Variants in RGS22 observed in about 807,000 individuals in gnomAD.
RGS22 encodes regulator of G protein signaling 22, also known as regulator of G-protein signaling 22.
RGS22 carries 148 observed loss-of-function variants against 172.9 expected under a neutral mutation model. The observed-to-expected ratio is 0.86, with a 90% CI of 0.75 to 0.98. The LOEUF is 0.98. RGS22 is among the 50% of genes least tolerant of loss of function. RGS22 has a pLI of 0.00. For missense variants in RGS22, 1,347 were observed against 1,440.8 expected (o/e 0.93, Z 1.05); for synonymous variants, 458 against 480.2 (o/e 0.95, Z 0.60).
intron 14 of RGS22, among the ~76,000 whole-genome samples, chr8:100,027,334 A>G (rs1421081707): frequency 6.6e-6 from 1 of 152,224 alleles, no homozygotes; most frequent in Non-Finnish European, 1.5e-5. Context: ...CTTCTAAGTC[A>G]AGAACTTTGT....
chr8:100,025,693 C>A (rs778316651), intron 14 of RGS22, among the ~76,000 whole-genome samples: 3 of 152,130 alleles, frequency 2.0e-5, no homozygotes, highest in East Asian at 1.9e-4. Flanking sequence ...TGACAGTGAG[C>A]AAAGGAAAAA....
chr8:99,980,238 T>A (rs151098582), intron 22 of RGS22, among the ~76,000 whole-genome samples: 78 of 152,238 alleles, frequency 5.1e-4, no homozygotes, highest in African/African-American at 1.8e-3. Context: ...TGCACCGGAA[T>A]TGAAATATTT....
At chr8:99,976,233 C>T (rs766568531) in intron 23 of RGS22, among the ~76,000 whole-genome samples, 1 of 152,036 alleles carries the variant, frequency 6.6e-6, no homozygotes, top group East Asian at 1.9e-4. Flanking sequence ...AATGAACATG[C>T]TTTTTATGGC....
intron 11 of RGS22, among the ~76,000 whole-genome samples, chr8:100,044,445 C>T (rs1298727500): frequency 1.3e-5 from 2 of 152,124 alleles, no homozygotes; most frequent in Non-Finnish European, 1.5e-5. Flanking sequence ...CGGGGTTTCA[C>T]CATGTTGGCC....
chr8:100,014,568 A>G (rs1229816989), intron 14 of RGS22, among the ~76,000 whole-genome samples: 1 of 151,982 alleles, frequency 6.6e-6, no homozygotes, highest in Non-Finnish European at 1.5e-5. Flanking sequence ...ACTGCTTATT[A>G]TCTCCTCTCT....
intron 10 of RGS22, among the ~76,000 whole-genome samples, chr8:100,051,983 TTATA>T (rs1268666215): frequency 1.7e-5 from 1 of 58,116 alleles, no homozygotes; most frequent in African/African-American, 1.0e-4. Context: ...ATATAAATGT[TTATA>T]TATATTTATA....
intron 22 of RGS22, among the ~76,000 whole-genome samples, chr8:99,980,481 A>G (rs540631534): frequency 2.0e-4 from 30 of 152,318 alleles, no homozygotes; most frequent in Non-Finnish European, 4.1e-4. Flanking sequence ...AGGAAATGAA[A>G]TAGAGGGAAG....
chr8:99,965,567 T>C, intron 23 of RGS22, 137 bp from the exon 24 acceptor site: 1 of 546,914 alleles, frequency 1.8e-6, no homozygotes, highest in South Asian at 3.0e-5. Context: ...ATCAAGTCAA[T>C]ATCACTAATG....
intron 14 of RGS22, among the ~76,000 whole-genome samples, chr8:100,017,796 T>C (rs1817168197): frequency 6.6e-6 from 1 of 152,190 alleles, no homozygotes; most frequent in South Asian, 2.1e-4. Context: ...GTTAGAAACA[T>C]TGTTTAAATA....
chr8:100,018,712 T>G (rs944483868), intron 14 of RGS22, among the ~76,000 whole-genome samples: 19 of 152,178 alleles, frequency 1.2e-4, no homozygotes, highest in African/African-American at 4.6e-4. Flanking sequence ...ATACGACATT[T>G]CCCATTGCAA....
At chr8:100,023,660 C>A (rs560041633) in intron 14 of RGS22, among the ~76,000 whole-genome samples, 9 of 152,206 alleles carry the variant, frequency 5.9e-5, no homozygotes, top group Non-Finnish European at 1.3e-4. Context: ...ATCTTGAACT[C>A]CTGGGGTCAA....
rs540769040 is a variant in RGS22, at chr8:99,981,150, A to C, written c.3360+787T>G. ...CTATTATAATTTATTTTTCTTAATC[A>C]TTTTTTAGTAACAACATCACTAAAA... On this transcript the variant is annotated intron_variant, in intron 22 of 27. Coordinates refer to ENST00000360863, the MANE Select transcript of RGS22 (RefSeq NM_015668.5). 4.6e-5 allele frequency among the ~76,000 whole-genome samples: 7 copies of C among 152,212 alleles called. No homozygotes were observed. The East Asian group carries it at 1.2e-3, about 25-fold the overall frequency.
intron 9 of RGS22, among the ~76,000 whole-genome samples, chr8:100,057,237 T>C (rs1433987034): frequency 1.3e-5 from 2 of 152,218 alleles, no homozygotes; most frequent in African/African-American, 4.8e-5. Flanking sequence ...CCATTGTATC[T>C]AGGAAGTAAC....
In RGS22 at chr8:100,038,992, G is replaced by A. The variant is rs763868756; in HGVS notation, c.2105C>T (p.Ala702Val). The change falls in exon 14 of 28, where the codon GCT (alanine) becomes GTT (valine). Residue 702 changes from alanine to valine, a missense_variant. Transcript: ENST00000360863. The stretch of plus-strand genomic sequence containing the variant: ...TTCTTGGTAGAAAAGCTGATGATAA[G>A]CCTGCAGGTCAAACCAAAAGTACAC... ...NSVYFWFDLQ[A>V]YHQLFYQETL... 2.5e-5 allele frequency: 40 copies of A among 1,612,610 alleles called. No homozygotes were observed. In the South Asian group the frequency reaches 4.2e-4, roughly 17 times the overall value.
In RGS22 at chr8:100,098,866, ATTTTATTTTATTTTAT is replaced by A. The variant is rs1375863928; in HGVS notation, c.55-5373_55-5358del. On this transcript the variant is annotated intron_variant, in intron 2 of 27. Coordinates refer to ENST00000360863, the MANE Select transcript of RGS22 (RefSeq NM_015668.5). ...TTTTATTTATTTTATTATTTTATTTATTTTATTTTATTTTATTTTATTTTATTTTATTTTATTTTAT... is the reference window on the plus strand; with the variant it reads ...TTTTATTTATTTTATTATTTTATTTATTTATTTTATTTTATTTTATTTTAT... 1.4e-3 allele frequency among the ~76,000 whole-genome samples: 7 copies of A among 5,156 alleles called. 1 individual carries two copies. Among genetic ancestry groups the A allele is most frequent in the African/African-American group, 3.1e-3 (5 of 1,618 alleles). 3.4% of individuals were successfully genotyped at this position (5,156 alleles called of 152,430 possible).
chr8:100,063,340 T>G, intron 8 of RGS22, 76 bp downstream of exon 8: 2 of 1,065,548 alleles, frequency 1.9e-6, no homozygotes, highest in Non-Finnish European at 2.6e-6. Flanking sequence ...TTGGGCTTTC[T>G]CCCTGTGCTA....
rs1213590301 is a variant in RGS22, at chr8:100,051,607, ATATGTT to A, written c.1689+1189_1689+1194del. 2.8e-3 allele frequency among the ~76,000 whole-genome samples: 150 copies of A among 54,018 alleles called. 42 individuals carry two copies. Among genetic ancestry groups the A allele is most frequent in the Admixed American group, 6.3e-3 (17 of 2,704 alleles). The allele number at this position is 54,018 out of a possible 152,430, so 35.4% of individuals were successfully genotyped here. Reference sequence around the variant, plus strand: ...TATACATATATAAATATATATTTATATATGTTTATACATATATAAATATATATTTAT... The same window carrying A: ...TATACATATATAAATATATATTTATATATACATATATAAATATATATTTAT... On this transcript the variant is annotated intron_variant, in intron 10 of 27. Transcript: ENST00000360863.
At chr8:100,046,332 T>C (rs1820711737) in intron 11 of RGS22, 1 of 151,940 alleles carries the variant, frequency 6.6e-6, no homozygotes, top group Non-Finnish European at 1.5e-5. Context: ...TTCACTGTAA[T>C]ACTCTAGCCG....
intron 15 of RGS22, 46 bp from the exon 16 acceptor site, chr8:100,006,155 T>C: frequency 6.7e-7 from 1 of 1,498,956 alleles, no homozygotes; most frequent in Non-Finnish European, 9.2e-7. Context: ...AATGTACAAT[T>C]TGCTAGTAAC....
Sources: allele counts gnomAD v4.1 joint callset (sites outside exome capture counted in the v4.1 genomes callset), GRCh38; gene constraint gnomAD v4.1.1; transcripts MANE v1.5; gene names NCBI Gene and HGNC (gene_info 2026-07-23, HGNC 2026-07-21).